SIRT5: variants seen among roughly 807,000 people sequenced by gnomAD.
SIRT5 encodes the protein sirtuin 5.
SIRT5 carries 26 observed loss-of-function variants against 40.0 expected under a neutral mutation model. The observed-to-expected ratio is 0.65, with a 90% CI of 0.48 to 0.90. SIRT5 has a LOEUF of 0.90. Among genes scored for constraint, SIRT5 ranks in the 40% least tolerant of loss-of-function variants. The pLI is 0.00. For missense variants in SIRT5, 401 were observed against 402.4 expected, an observed-to-expected ratio of 1.00 and a Z score of 0.03; for synonymous variants, 146 against 149.1, an observed-to-expected ratio of 0.98 and a Z score of 0.15.
intron 3 of SIRT5, among the ~76,000 whole-genome samples, chr6:13,585,425 A>G (rs1482575968): frequency 7.2e-6 from 1 of 138,402 alleles, no homozygotes; most frequent in Admixed American, 7.7e-5. Flanking sequence ...CCAGTGTGTG[A>G]TGTTACCCGC....
At chr6:13,608,658 CA>C (rs1351057083) in intron 9 of SIRT5, among the ~76,000 whole-genome samples, 3 of 151,478 alleles carry the variant, frequency 2.0e-5, no homozygotes, top group African/African-American at 4.8e-5. Context: ...AGCAAAATAT[CA>C]TATGAATTAT....
intron 9 of SIRT5, among the ~76,000 whole-genome samples, chr6:13,609,295 T>C (rs1443210899): frequency 6.6e-6 from 1 of 152,180 alleles, no homozygotes; most frequent in Non-Finnish European, 1.5e-5. Flanking sequence ...ATTGATTTAA[T>C]GCAATGAGGG....
rs562315648 is a variant in SIRT5, at chr6:13,592,332, G to T, written c.475+438G>T. On this transcript the variant is annotated intron_variant, in intron 5 of 9. Transcript: ENST00000606117. ...GACCCTTTCCTCTGTGGAGGGGCAC[G>T]GTACTGTGAGACAATGGCCTCAATG... Among the ~76,000 whole-genome samples, 7 of 152,300 alleles carry T rather than the reference G, an allele frequency of 4.6e-5. No individual in the cohort carries two copies. In the South Asian group the frequency reaches 1.2e-3, roughly 27 times the overall value.
At chr6:13,576,188 G>T (rs1758613069) in intron 1 of SIRT5, among the ~76,000 whole-genome samples, 1 of 152,168 alleles carries the variant, frequency 6.6e-6, no homozygotes, top group Admixed American at 6.5e-5. Flanking sequence ...GGATTTCTGG[G>T]TCATGTGGTA....
At chr6:13,588,275 T>C (rs976994391) in intron 3 of SIRT5, 56 bp from the exon 4 acceptor site, 46 of 1,568,594 alleles carry the variant, frequency 2.9e-5, no homozygotes, top group Non-Finnish European at 3.6e-5. Context: ...ACAATTGATA[T>C]GGGATACAAA....
intron 6 of SIRT5, 93 bp downstream of exon 6, chr6:13,595,657 C>A: frequency 1.0e-6 from 1 of 993,942 alleles, no homozygotes; most frequent in Admixed American, 1.8e-5. Context: ...CAAAGATTCC[C>A]ATGGATATTT....
At chr6:13,602,087 A>C (rs1762466930) in intron 9 of SIRT5, among the ~76,000 whole-genome samples, 1 of 152,208 alleles carries the variant, frequency 6.6e-6, no homozygotes, top group South Asian at 2.1e-4. Context: ...TGAAAGAAAT[A>C]AGGAAGGCCT....
Position 13,613,411 on chromosome 6 carries a change from CTG to C in SIRT5, c.*1547_*1548del, listed in dbSNP as rs1245661315. On this transcript the variant is annotated 3_prime_UTR_variant, in exon 10 of 10. Transcript: ENST00000606117. Reference sequence around the variant, plus strand: ...TGTCCAGCAGGTGTCACAGGCCTGACTGGGAGGCATGGCCATTATCAACAGTG... The same window carrying C: ...TGTCCAGCAGGTGTCACAGGCCTGACGGAGGCATGGCCATTATCAACAGTG... The C allele has an allele frequency of 1.3e-5, 2 of 152,264 alleles. No individual in the cohort carries two copies. Among genetic ancestry groups the C allele is most frequent in the Non-Finnish European group, 2.9e-5 (2 of 68,072 alleles). The allele number at this position is 152,264 out of a possible 1,614,324, so 9.4% of individuals were successfully genotyped here.
At position 13,591,874 on chromosome 6, in the gene SIRT5, A is replaced by G; in HGVS notation, c.455A>G (p.Lys152Arg). ...GAGCTGCACCGCAAGGCTGGCACCA[A>G]GAACCTTCTGGAGATCCATGGTGAG... ...IDELHRKAGTKNLLEIHGSLF... is the reference protein window; with the variant it reads ...IDELHRKAGTRNLLEIHGSLF... Residue 152 changes from lysine to arginine, a missense_variant, in exon 5 of 10, where the codon AAG (lysine) becomes AGG (arginine). By Grantham distance (26) the Lys-to-Arg change is conservative (BLOSUM62 2). Coordinates refer to ENST00000606117, the MANE Select transcript of SIRT5 (RefSeq NM_012241.5). The G allele has an allele frequency of 1.9e-6, 3 of 1,613,590 alleles. No homozygotes were observed. The highest frequency in any genetic ancestry group is 1.7e-6 in the Non-Finnish European group (2 of 1,179,514).
chr6:13,591,980 C>T, intron 5 of SIRT5, 86 bp downstream of exon 5: 6 of 1,241,260 alleles, frequency 4.8e-6, no homozygotes, highest in African/African-American at 1.5e-5. Context: ...TGCCTTCCCT[C>T]CCTCCCTGCT....
intron 4 of SIRT5, among the ~76,000 whole-genome samples, chr6:13,590,491 G>T (rs893140402): frequency 1.3e-5 from 2 of 152,030 alleles, no homozygotes; most frequent in African/African-American, 4.8e-5. Flanking sequence ...ATGTAGATGT[G>T]TGTAGTTCTG....
intron 5 of SIRT5, among the ~76,000 whole-genome samples, chr6:13,594,657 G>A (rs1373129581): frequency 2.0e-5 from 3 of 152,230 alleles, no homozygotes; most frequent in Non-Finnish European, 2.9e-5. Flanking sequence ...TTGTATTTGG[G>A]ATGTGACCCA....
intron 8 of SIRT5, among the ~76,000 whole-genome samples, chr6:13,599,392 C>T (rs1351012798): frequency 6.6e-6 from 1 of 152,142 alleles, no homozygotes; most frequent in Non-Finnish European, 1.5e-5. Flanking sequence ...ATGTCTTGGG[C>T]ATCTCAAAGC....
chr6:13,605,189 G>C, intron 9 of SIRT5: 1 of 984,734 alleles, frequency 1.0e-6, no homozygotes, highest in South Asian at 4.7e-5. Flanking sequence ...GCAAACTACT[G>C]CCTGTGGGCC....
At chr6:13,601,250 C>G (rs1762342863) in intron 9 of SIRT5, among the ~76,000 whole-genome samples, 3 of 152,126 alleles carry the variant, frequency 2.0e-5, no homozygotes, top group Admixed American at 2.0e-4. Flanking sequence ...TAGTGATGAC[C>G]TGTAGTTGTA....
intron 1 of SIRT5, among the ~76,000 whole-genome samples, chr6:13,575,684 A>C (rs771636977): frequency 4.6e-4 from 70 of 151,992 alleles, no homozygotes; most frequent in Non-Finnish European, 5.0e-4. Context: ...GTGAAAATCT[A>C]CTCTCCTGGA....
Position 13,588,331 on chromosome 6 carries a change from G to A in SIRT5, c.116G>A (p.Ser39Asn), listed in dbSNP as rs776846124. The change falls in exon 4 of 10, where the codon AGT (serine) becomes AAT (asparagine). Residue 39 changes from serine to asparagine, a missense_variant and splice_region_variant. Physicochemically the swap from Ser to Asn is conservative, Grantham distance 46 (BLOSUM62 1). Coordinates refer to ENST00000606117, the MANE Select transcript of SIRT5 (RefSeq NM_012241.5). ...ICLKMARPSS[S>N]MADFRKFFAK... ...TTGATAAAGATTTCACTCTGTTTAG[G>A]TATGGCAGATTTTCGAAAGTTTTTT... The A allele has an allele frequency of 1.9e-6, 3 of 1,613,490 alleles. No individual in the cohort carries two copies. Among genetic ancestry groups the A allele is most frequent in the East Asian group, 4.5e-5 (2 of 44,882 alleles).
At position 13,611,795 on chromosome 6, in the gene SIRT5, A is replaced by G. The variant is rs772703562; in HGVS notation, c.863A>G (p.His288Arg). Residue 288 changes from histidine to arginine, a missense_variant, in exon 10 of 10, where the codon CAT (histidine) becomes CGT (arginine). By Grantham distance (29) the His-to-Arg change is conservative. Coordinates refer to ENST00000606117, the MANE Select transcript of SIRT5 (RefSeq NM_012241.5). ...TTPATNRFRF[H>R]FQGPCGTTLP... Reference sequence around the variant, plus strand: ...ATTTGCTTCTTCTCTTTCAGGTTTCATTTCCAGGGACCCTGTGGAACGACT... The same window carrying G: ...ATTTGCTTCTTCTCTTTCAGGTTTCGTTTCCAGGGACCCTGTGGAACGACT... 1 of 1,613,106 alleles carries G rather than the reference A, an allele frequency of 6.2e-7. No homozygotes were observed. The highest frequency in any genetic ancestry group is 1.1e-5 in the South Asian group (1 of 91,036).
intron 3 of SIRT5, among the ~76,000 whole-genome samples, chr6:13,586,975 C>T (rs891694254): frequency 5.3e-5 from 8 of 152,214 alleles, no homozygotes; most frequent in African/African-American, 1.9e-4. Context: ...CTGGTTCCAT[C>T]TGTCAGGGGA....
Sources: gnomAD v4.1 joint callset for allele counts (sites outside exome capture counted in the v4.1 genomes callset) on GRCh38, gnomAD v4.1.1 for gene constraint, MANE v1.5 for transcripts, NCBI Gene and HGNC (gene_info 2026-07-23, HGNC 2026-07-21) for gene names.